TRERF1: variants seen among roughly 807,000 people sequenced by gnomAD.
The protein encoded by TRERF1 is transcriptional regulating factor 1.
Under a neutral mutation model 122.9 loss-of-function variants are expected in TRERF1, and 27 were observed. The observed-to-expected ratio is 0.22, with a 90% CI of 0.16 to 0.30. The LOEUF is 0.30. Among genes scored for constraint, TRERF1 ranks in the 10% least tolerant of loss-of-function variants. The pLI, the probability that TRERF1 is intolerant of heterozygous loss-of-function variation, is 1.00. For synonymous variants in TRERF1, 636 were observed against 641.7 expected (o/e 0.99, Z 0.13); for missense variants, 1,248 against 1,560.3 (o/e 0.80, Z 3.37).
At chr6:42,311,765 CAAAAAAAAAAA>C (rs10530333) in intron 3 of TRERF1, among the ~76,000 whole-genome samples, 43 of 34,596 alleles carry the variant, frequency 1.2e-3, no homozygotes, top group Middle Eastern at 0.014. Flanking sequence ...GACTCCGTCT[CAAAAAAAAAAA>C]AAAAAAAAAA....
chr6:42,258,475 A>G (rs1777163892), intron 9 of TRERF1, among the ~76,000 whole-genome samples: 1 of 152,252 alleles, frequency 6.6e-6, no homozygotes, highest in African/African-American at 2.4e-5. Flanking sequence ...TGCTCCAGAA[A>G]GAGATCCTAG....
chr6:42,274,330 AT>A (rs1780778868), intron 4 of TRERF1, among the ~76,000 whole-genome samples: 1 of 152,182 alleles, frequency 6.6e-6, no homozygotes, highest in Non-Finnish European at 1.5e-5. Context: ...CAGAGAGGTA[AT>A]TTCTGGGCCT....
chr6:42,262,442 G>GACAGAGAC (rs1778199804), intron 8 of TRERF1, among the ~76,000 whole-genome samples: 1 of 57,222 alleles, frequency 1.7e-5, no homozygotes, highest in Non-Finnish European at 3.3e-5. Flanking sequence ...GGCAGAGAGA[G>GACAGAGAC]AGAGAGAGAG....
chr6:42,349,010 C>T (rs916346753), intron 3 of TRERF1, among the ~76,000 whole-genome samples: 4 of 152,196 alleles, frequency 2.6e-5, no homozygotes, highest in African/African-American at 4.8e-5. Context: ...CTCTCAGGGT[C>T]ATTTATAGTT....
intron 2 of TRERF1, among the ~76,000 whole-genome samples, chr6:42,415,813 T>C (rs993713022): frequency 6.6e-6 from 1 of 152,108 alleles, no homozygotes; most frequent in African/African-American, 2.4e-5. Flanking sequence ...CTTTTTTATA[T>C]TTTTCATGCA....
chr6:42,336,398 G>A (rs1201575896), intron 3 of TRERF1, among the ~76,000 whole-genome samples: 2 of 152,052 alleles, frequency 1.3e-5, no homozygotes, highest in Non-Finnish European at 2.9e-5. Context: ...GGAGCTCCTT[G>A]CTGCTCCACC....
At chr6:42,397,426 A>G (rs1309979074) in intron 2 of TRERF1, among the ~76,000 whole-genome samples, 2 of 152,224 alleles carry the variant, frequency 1.3e-5, no homozygotes, top group Non-Finnish European at 2.9e-5. Context: ...ATATTATTCA[A>G]TATTGAATTA....
At chr6:42,230,645 G>A (rs1268776556) in intron 17 of TRERF1, among the ~76,000 whole-genome samples, 3 of 152,144 alleles carry the variant, frequency 2.0e-5, no homozygotes, top group African/African-American at 7.2e-5. Context: ...CAATCCAGGG[G>A]CCCATTTCTT....
intron 4 of TRERF1, among the ~76,000 whole-genome samples, chr6:42,270,933 C>T (rs1780110210): frequency 6.6e-6 from 1 of 151,764 alleles, no homozygotes; most frequent in Admixed American, 6.6e-5. Context: ...CCGCCAAGCC[C>T]AAATTTTGTA....
chr6:42,277,380 A>G (rs922828074), intron 4 of TRERF1, among the ~76,000 whole-genome samples: 2 of 150,238 alleles, frequency 1.3e-5, no homozygotes, highest in African/African-American at 4.9e-5. Context: ...TGGGGTTGCC[A>G]GTTGCCCTTT....
At chr6:42,361,113 G>A (rs1012912702) in intron 3 of TRERF1, among the ~76,000 whole-genome samples, 1 of 152,160 alleles carries the variant, frequency 6.6e-6, no homozygotes, top group Non-Finnish European at 1.5e-5. Flanking sequence ...AGGTCTTGAG[G>A]GTGAAGCCCT....
At chr6:42,300,812 A>G (rs1209702705) in intron 3 of TRERF1, 63 bp from the exon 4 acceptor site, 2 of 152,548 alleles carry the variant, frequency 1.3e-5, no homozygotes, top group Non-Finnish European at 2.9e-5. Context: ...CTTCATCACC[A>G]TCCTGCAGAA....
At chr6:42,418,266 CTTTTTT>C (rs60655151) in intron 2 of TRERF1, among the ~76,000 whole-genome samples, 1 of 37,016 alleles carries the variant, frequency 2.7e-5, no homozygotes, top group South Asian at 1.9e-3. Context: ...TTCTTTCTTT[CTTTTTT>C]TTTTTTTTTT....
At chr6:42,311,188 T>C (rs1169980938) in intron 3 of TRERF1, among the ~76,000 whole-genome samples, 1 of 152,154 alleles carries the variant, frequency 6.6e-6, no homozygotes, top group African/African-American at 2.4e-5. Flanking sequence ...AGCAGGCATG[T>C]GTGCAATGTC....
chr6:42,376,476 C>T (rs549845121), intron 2 of TRERF1, among the ~76,000 whole-genome samples: 1 of 151,674 alleles, frequency 6.6e-6, no homozygotes, highest in African/African-American at 2.4e-5. Flanking sequence ...TGAATCAACA[C>T]CCAGAAGGGC....
intron 2 of TRERF1, among the ~76,000 whole-genome samples, chr6:42,445,267 CAA>C (rs35676953): frequency 2.0e-3 from 263 of 131,190 alleles, no homozygotes; most frequent in African/African-American, 5.6e-3. Flanking sequence ...GACTCCATCT[CAA>C]AAAAAAAAAA....
Position 42,268,641 on chromosome 6 carries a change from C to CGCTGCTGCAGCTGTAGCTGCTGCG in TRERF1, c.926_949dup (p.Pro309_Gln316dup), listed in dbSNP as rs756998680. 1.2e-6 allele frequency: 2 copies of CGCTGCTGCAGCTGTAGCTGCTGCG among 1,614,004 alleles called. No individual in the cohort carries two copies. Among genetic ancestry groups the CGCTGCTGCAGCTGTAGCTGCTGCG allele is most frequent in the Non-Finnish European group, 1.7e-6 (2 of 1,180,010 alleles). ...CTGAGGTATCTGCATTGAACCCTGCCGCTGCTGCAGCTGTAGCTGCTGCGG... is the reference window on the plus strand; with the variant it reads ...CTGAGGTATCTGCATTGAACCCTGCCGCTGCTGCAGCTGTAGCTGCTGCGGCTGCTGCAGCTGTAGCTGCTGCGG... On this transcript the variant is annotated inframe_insertion, in exon 5 of 18. Transcript: ENST00000372922. This position sits in a 1 kb window ranked among gnomAD's most constrained non-coding sequence, Gnocchi z 4.4.
intron 3 of TRERF1, among the ~76,000 whole-genome samples, chr6:42,315,647 C>T (rs559491090): frequency 6.6e-6 from 1 of 152,100 alleles, no homozygotes; most frequent in East Asian, 1.9e-4. Context: ...CTTCTAGCAG[C>T]TGATATCCTT....
At chr6:42,366,927 C>T (rs1233593135) in intron 2 of TRERF1, among the ~76,000 whole-genome samples, 1 of 152,116 alleles carries the variant, frequency 6.6e-6, no homozygotes, top group Non-Finnish European at 1.5e-5. Context: ...CCACAGGTTT[C>T]AAGGGGATGC....
Sources: allele counts gnomAD v4.1 joint callset (sites outside exome capture counted in the v4.1 genomes callset), GRCh38; gene constraint gnomAD v4.1.1; non-coding constraint Gnocchi (gnomAD v3.1); transcripts MANE v1.5; gene names NCBI Gene and HGNC (gene_info 2026-07-23, HGNC 2026-07-21).